Variants in RAB31 observed in about 807,000 individuals in gnomAD.
RAB31 encodes the protein ras-related protein Rab-31.
RAB31 carries 21 observed loss-of-function variants against 25.6 expected under a neutral mutation model. That is an observed-to-expected ratio of 0.82 (90% CI 0.58 to 1.18). The LOEUF (loss-of-function observed/expected upper bound fraction) is 1.18, where lower values mean the gene tolerates loss of function less well. RAB31 is among the 50% of genes most tolerant of loss of function. The pLI, the probability that RAB31 is intolerant of heterozygous loss-of-function variation, is 0.00. For synonymous variants in RAB31, 87 were observed against 84.0 expected (o/e 1.04, Z -0.20); for missense variants, 196 against 250.1 (o/e 0.78, Z 1.46).
In RAB31 at chr18:9,708,441, C is replaced by T. The variant is rs892869785; in HGVS notation, c.36C>T (p.Leu12=). The change falls in exon 1 of 7, where the codon CTC becomes CTT. Residue 12 remains leucine, a synonymous_variant. Transcript: ENST00000578921. The surrounding 1 kb of genome is among the most constrained non-coding windows in gnomAD (Gnocchi z 6.4). ...TACGGGAGCTCAAAGTGTGCCTTCT[C>T]GGGGTGAGTCCTGGCCGCCACCCGC... ...MAIRELKVCL[L]GDTGVGKSSI... 6.4e-7 allele frequency: 1 copy of T among 1,569,328 alleles called. No individual in the cohort carries two copies. The highest frequency in any genetic ancestry group is 8.6e-7 in the Non-Finnish European group (1 of 1,159,454).
At chr18:9,713,030 G>A (rs1324330044) in intron 1 of RAB31, among the ~76,000 whole-genome samples, 1 of 152,150 alleles carries the variant, frequency 6.6e-6, no homozygotes, top group Non-Finnish European at 1.5e-5. Context: ...TCGCATGGAA[G>A]GCCTCTTGTC....
At chr18:9,834,282 A>G (rs1331262195) in intron 5 of RAB31, among the ~76,000 whole-genome samples, 1 of 151,976 alleles carries the variant, frequency 6.6e-6, no homozygotes, top group Non-Finnish European at 1.5e-5. Context: ...CGCCTAGCTA[A>G]TTTTTGTATT....
intron 1 of RAB31, among the ~76,000 whole-genome samples, chr18:9,756,133 G>A (rs566131834): frequency 8.5e-5 from 13 of 152,190 alleles, no homozygotes; most frequent in Non-Finnish European, 1.6e-4. Flanking sequence ...TAGTTGTGGG[G>A]ATGCAGTAGA....
At chr18:9,790,591 A>G (rs2068455197) in intron 2 of RAB31, among the ~76,000 whole-genome samples, 2 of 152,100 alleles carry the variant, frequency 1.3e-5, no homozygotes. Flanking sequence ...CAAGGTTCAT[A>G]TATTGCATTT....
chr18:9,733,609 C>T (rs979610084), intron 1 of RAB31, among the ~76,000 whole-genome samples: 6 of 152,180 alleles, frequency 3.9e-5, no homozygotes, highest in South Asian at 4.1e-4. Flanking sequence ...AAGCCTCATT[C>T]CATTTTCCTG....
At position 9,861,549 on chromosome 18, in the gene RAB31, A is replaced by G. The variant is rs895629090; in HGVS notation, c.*2224A>G. ...CATAAACATTGTATCTTCTCTGTGG[A>G]TGCTCAGGCCTTGTCTACAATGAGG... On this transcript the variant is annotated 3_prime_UTR_variant, in exon 7 of 7. Transcript: ENST00000578921. 1 of 152,184 alleles carries G rather than the reference A, an allele frequency of 6.6e-6. No individual in the cohort carries two copies. The highest frequency in any genetic ancestry group is 2.4e-5 in the African/African-American group (1 of 41,424). 9.4% of individuals were successfully genotyped at this position (152,184 alleles called of 1,614,324 possible).
intron 1 of RAB31, among the ~76,000 whole-genome samples, chr18:9,761,459 A>G (rs1346757512): frequency 1.3e-5 from 2 of 152,146 alleles, no homozygotes; most frequent in Non-Finnish European, 2.9e-5. Context: ...GTTGTCCCCA[A>G]ACCTAACAGC....
At chr18:9,803,762 G>A (rs906465891) in intron 3 of RAB31, among the ~76,000 whole-genome samples, 27 of 152,224 alleles carry the variant, frequency 1.8e-4, no homozygotes, top group Non-Finnish European at 7.3e-5. Flanking sequence ...CAAAGTGTGA[G>A]CAGAGGTATT....
intron 1 of RAB31, among the ~76,000 whole-genome samples, chr18:9,748,270 G>A (rs2068215506): frequency 6.6e-6 from 1 of 152,176 alleles, no homozygotes; most frequent in South Asian, 2.1e-4. Flanking sequence ...GCCGAAGCAG[G>A]AGGATCGCTT....
At chr18:9,770,105 G>A (rs997438005) in intron 1 of RAB31, among the ~76,000 whole-genome samples, 1 of 152,124 alleles carries the variant, frequency 6.6e-6, no homozygotes, top group African/African-American at 2.4e-5. Context: ...ATTTTATTGA[G>A]GATTTTTGCG....
intron 1 of RAB31, among the ~76,000 whole-genome samples, chr18:9,715,674 T>C (rs2068041124): frequency 6.6e-6 from 1 of 151,990 alleles, no homozygotes; most frequent in Non-Finnish European, 1.5e-5. Context: ...AAATCACAAG[T>C]GTGCAACACC....
intron 5 of RAB31, among the ~76,000 whole-genome samples, chr18:9,840,080 A>G (rs1221718363): frequency 6.6e-6 from 1 of 152,128 alleles, no homozygotes; most frequent in Non-Finnish European, 1.5e-5. Flanking sequence ...CAGAGAAGAA[A>G]CCCTGAGTAA....
chr18:9,788,350 C>T (rs1217798863), intron 2 of RAB31, among the ~76,000 whole-genome samples: 2 of 152,214 alleles, frequency 1.3e-5, no homozygotes, highest in African/African-American at 4.8e-5. Flanking sequence ...AAGATATCAT[C>T]TCTCTCCAGT....
intron 5 of RAB31, among the ~76,000 whole-genome samples, chr18:9,833,752 G>A (rs2068691008): frequency 6.6e-6 from 1 of 152,182 alleles, no homozygotes; most frequent in African/African-American, 2.4e-5. Context: ...TTATGGATAG[G>A]AAGACATAAG....
intron 1 of RAB31, among the ~76,000 whole-genome samples, chr18:9,734,463 C>A (rs905356033): frequency 2.0e-5 from 3 of 152,096 alleles, no homozygotes; most frequent in African/African-American, 4.8e-5. Context: ...CAAAACCTTG[C>A]GAGTTTAAGT....
At chr18:9,819,067 A>T (rs892982797) in intron 5 of RAB31, among the ~76,000 whole-genome samples, 1 of 152,202 alleles carries the variant, frequency 6.6e-6, no homozygotes, top group African/African-American at 2.4e-5. Context: ...ATTTCCTCTC[A>T]TCCTGTGGAT....
intron 1 of RAB31, among the ~76,000 whole-genome samples, chr18:9,749,347 ACAGAGGGAACAGAGGGAG>A (rs1270415763): frequency 8.4e-6 from 1 of 119,554 alleles, no homozygotes; most frequent in Non-Finnish European, 1.8e-5. Context: ...AACAGAGGGA[ACAGAGGGAACAGAGGGAG>A]CGGAGGGAAC....
chr18:9,836,984 G>A (rs1599060757), intron 5 of RAB31, among the ~76,000 whole-genome samples: 1 of 151,470 alleles, frequency 6.6e-6, no homozygotes, highest in East Asian at 1.9e-4. Flanking sequence ...TGTGAGGAAC[G>A]GGGTGAAACA....
At chr18:9,747,007 A>C (rs2068209235) in intron 1 of RAB31, among the ~76,000 whole-genome samples, 1 of 152,226 alleles carries the variant, frequency 6.6e-6, no homozygotes, top group East Asian at 1.9e-4. Flanking sequence ...ATATTTACAA[A>C]TCAAATATCT....
Sources: allele counts gnomAD v4.1 joint callset (sites outside exome capture counted in the v4.1 genomes callset), GRCh38; gene constraint gnomAD v4.1.1; non-coding constraint Gnocchi (gnomAD v3.1); transcripts MANE v1.5; gene names NCBI Gene and HGNC (gene_info 2026-07-23, HGNC 2026-07-21).